DGKI: variants seen among roughly 807,000 people sequenced by gnomAD.
The protein encoded by DGKI is diacylglycerol kinase iota.
Under a neutral mutation model 147.5 loss-of-function variants are expected in DGKI, and 55 were observed. The observed-to-expected ratio is 0.37, with a 90% CI of 0.30 to 0.47. The LOEUF is 0.47. Among genes scored for constraint, DGKI ranks in the 20% least tolerant of loss-of-function variants. The pLI is 1.00. For synonymous variants in DGKI, 469 were observed against 477.1 expected (o/e 0.98, Z 0.22); for missense variants, 1,007 against 1,323.8 (o/e 0.76, Z 3.71).
At chr7:137,654,629 AAG>A in intron 5 of DGKI, 101 bp downstream of exon 5, 4 of 876,844 alleles carry the variant, frequency 4.6e-6, no homozygotes, top group Non-Finnish European at 7.4e-6. Context: ...ATGCAACAGA[AAG>A]AGATAGAATT....
At chr7:137,628,639 C>T (rs1402267021) in intron 6 of DGKI, among the ~76,000 whole-genome samples, 3 of 152,072 alleles carry the variant, frequency 2.0e-5, no homozygotes, top group African/African-American at 4.8e-5. Context: ...AGTTCAGTAC[C>T]GTCAAAGAGG....
chr7:137,767,850 A>T (rs1381973956), intron 1 of DGKI, among the ~76,000 whole-genome samples: 4 of 152,198 alleles, frequency 2.6e-5, no homozygotes, highest in Admixed American at 6.5e-5. Flanking sequence ...TAGTTAATAC[A>T]TGTCTAAAGC....
intron 22 of DGKI, among the ~76,000 whole-genome samples, chr7:137,486,737 A>G (rs1462622561): frequency 1.3e-5 from 2 of 152,070 alleles, no homozygotes; most frequent in Non-Finnish European, 2.9e-5. Flanking sequence ...AGTGGTTACA[A>G]CTCAGAGGGA....
chr7:137,642,037 G>C (rs527473629), intron 6 of DGKI, among the ~76,000 whole-genome samples: 2 of 136,558 alleles, frequency 1.5e-5, no homozygotes, highest in South Asian at 2.3e-4. Flanking sequence ...GTGAAGATCA[G>C]AGACATGTTT....
intron 20 of DGKI, among the ~76,000 whole-genome samples, chr7:137,530,110 C>T (rs1486480648): frequency 6.6e-6 from 1 of 152,140 alleles, no homozygotes; most frequent in African/African-American, 2.4e-5. Context: ...CTGAACAACT[C>T]ATTGCCCCAG....
chr7:137,786,587 C>T (rs1796676880), intron 1 of DGKI, among the ~76,000 whole-genome samples: 1 of 151,740 alleles, frequency 6.6e-6, no homozygotes, highest in Non-Finnish European at 1.5e-5. Flanking sequence ...CAAAATACCA[C>T]CATCATTCTT....
intron 23 of DGKI, among the ~76,000 whole-genome samples, chr7:137,472,234 A>ATATATGTATATATACACAT (rs1814951861): frequency 1.1e-5 from 1 of 95,108 alleles, no homozygotes; most frequent in South Asian, 3.0e-4. Context: ...TATACATATA[A>ATATATGTATATATACACAT]TATATGTATA....
intron 1 of DGKI, among the ~76,000 whole-genome samples, chr7:137,734,570 G>C (rs1209760745): frequency 6.6e-6 from 1 of 151,884 alleles, no homozygotes; most frequent in Non-Finnish European, 1.5e-5. Flanking sequence ...CTGTGACTAG[G>C]GACCTATATC....
intron 10 of DGKI, among the ~76,000 whole-genome samples, chr7:137,605,627 T>C (rs1433478987): frequency 1.3e-5 from 2 of 152,066 alleles, no homozygotes; most frequent in Admixed American, 6.5e-5. Flanking sequence ...TATTTGACCA[T>C]AAAAAAGAAT....
chr7:137,639,689 C>T (rs1356469539), intron 6 of DGKI, among the ~76,000 whole-genome samples: 1 of 152,060 alleles, frequency 6.6e-6, no homozygotes, highest in Non-Finnish European at 1.5e-5. Flanking sequence ...CAAAGGGCCC[C>T]AGGGTGACCA....
chr7:137,672,583 T>A (rs1319513223), intron 3 of DGKI, among the ~76,000 whole-genome samples: 11 of 152,202 alleles, frequency 7.2e-5, no homozygotes, highest in African/African-American at 2.6e-4. Flanking sequence ...AAGTCTGAAA[T>A]CAAGGTTTCA....
rs369543437 is a variant in DGKI at position 137,578,259 on chromosome 7, T to C, written c.1698+11A>G. The C allele has an allele frequency of 3.4e-5, 55 of 1,594,454 alleles. No homozygotes were observed. The African/African-American group carries it at 6.2e-4, about 18-fold the overall frequency. On this transcript the variant is annotated intron_variant, in intron 16 of 32. Transcript: ENST00000614521. ...AATATGTAGTAATTATGAAATAAAA[T>C]GTATACCTACCCCTGCATAGAACAT...
chr7:137,547,474 AAAT>A (rs1317688121), intron 20 of DGKI, among the ~76,000 whole-genome samples: 1 of 152,232 alleles, frequency 6.6e-6, no homozygotes, highest in African/African-American at 2.4e-5. Context: ...CCATAGCTTG[AAAT>A]TATTAAATAT....
At chr7:137,658,668 G>A (rs763531417) in intron 3 of DGKI, among the ~76,000 whole-genome samples, 2 of 152,084 alleles carry the variant, frequency 1.3e-5, no homozygotes, top group Non-Finnish European at 2.9e-5. Context: ...AGTCACTGAA[G>A]ATGGAAGGAA....
intron 1 of DGKI, among the ~76,000 whole-genome samples, chr7:137,752,341 A>G (rs959463912): frequency 2.6e-5 from 4 of 152,200 alleles, no homozygotes; most frequent in African/African-American, 9.7e-5. Flanking sequence ...TTTAGTCTAC[A>G]AAGAGGGAAA....
chr7:137,488,623 T>C (rs1482486520), intron 21 of DGKI, among the ~76,000 whole-genome samples: 1 of 152,146 alleles, frequency 6.6e-6, no homozygotes, highest in Admixed American at 6.5e-5. Flanking sequence ...AACTGGTAAG[T>C]AGCAAGCAAA....
At chr7:137,452,530 C>A (rs535514862) in intron 27 of DGKI, among the ~76,000 whole-genome samples, 13 of 152,202 alleles carry the variant, frequency 8.5e-5, no homozygotes, top group African/African-American at 2.7e-4. Flanking sequence ...AAGCAGCACA[C>A]GTATGTCCAC....
intron 28 of DGKI, among the ~76,000 whole-genome samples, chr7:137,439,524 G>A (rs1457643173): frequency 2.0e-5 from 3 of 152,088 alleles, no homozygotes; most frequent in Non-Finnish European, 2.9e-5. Context: ...TCACTATCAC[G>A]AAAACAGTAT....
rs1811061840 is a variant in DGKI at position 137,381,566 on chromosome 7, T to A, written c.*9654A>T. On this transcript the variant is annotated 3_prime_UTR_variant, in exon 33 of 33. Coordinates refer to ENST00000614521, the MANE Select transcript of DGKI (RefSeq NM_001321708.2). ...AGGGTACCCTGGATGCCTGGGAACG[T>A]TTTCCCACTCAGAAATCAAATTAAA... 6.6e-6 allele frequency: 1 copy of A among 151,696 alleles called. No individual in the cohort carries two copies. The highest frequency in any genetic ancestry group is 2.1e-4 in the South Asian group (1 of 4,798). The allele number at this position is 151,696 out of a possible 1,614,324, so 9.4% of individuals were successfully genotyped here. A position where few individuals can be genotyped will look rare whatever the true frequency, so the allele number is the denominator to read the frequency against.
Sources: allele counts gnomAD v4.1 joint callset (sites outside exome capture counted in the v4.1 genomes callset), GRCh38; gene constraint gnomAD v4.1.1; transcripts MANE v1.5; gene names NCBI Gene and HGNC (gene_info 2026-07-23, HGNC 2026-07-21).